CNTNAP5: variants seen among roughly 807,000 people sequenced by gnomAD.
CNTNAP5 encodes contactin associated protein family member 5.
Under a neutral mutation model 150.2 loss-of-function variants are expected in CNTNAP5, and 72 were observed. The ratio of observed to expected loss-of-function variants is 0.48; its 90% CI spans 0.40 to 0.58. The LOEUF (loss-of-function observed/expected upper bound fraction) is 0.58. Ranked by LOEUF, CNTNAP5 falls within the 20% of genes least tolerant of loss-of-function variation. CNTNAP5 has a pLI of 0.00. For missense variants in CNTNAP5, 1,636 were observed against 1,626.2 expected (o/e 1.01, Z -0.10); for synonymous variants, 672 against 619.8 (o/e 1.08, Z -1.25).
At chr2:124,076,665 T>G (rs913843322) in intron 1 of CNTNAP5, among the ~76,000 whole-genome samples, 8 of 152,168 alleles carry the variant, frequency 5.3e-5, no homozygotes, top group Admixed American at 6.5e-5. Context: ...ATTTGTATAT[T>G]TTCAGGAGAG....
rs140657848 is a variant in CNTNAP5 at position 124,127,935 on chromosome 2, C to T, written c.83-93770C>T. On this transcript the variant is annotated intron_variant, in intron 1 of 23. Transcript: ENST00000682447. ...CAAGATGGAGTAAAGACTTAAATGTCAGACCTAAAACCATAAAAACCCTAG... is the reference window on the plus strand; with the variant it reads ...CAAGATGGAGTAAAGACTTAAATGTTAGACCTAAAACCATAAAAACCCTAG... 6.4e-3 allele frequency among the ~76,000 whole-genome samples: 980 copies of T among 152,048 alleles called. 12 individuals are homozygous for T. The highest frequency in any genetic ancestry group is 0.022 in the African/African-American group (924 of 41,496).
intron 11 of CNTNAP5, among the ~76,000 whole-genome samples, chr2:124,604,647 C>T (rs1697060659): frequency 6.6e-6 from 1 of 152,112 alleles, no homozygotes; most frequent in East Asian, 1.9e-4. Flanking sequence ...GGGATGATAG[C>T]ATTAGATTAA....
At position 124,920,407 on chromosome 2, in the gene CNTNAP5, C is replaced by T. The variant is rs1678850155; in HGVS notation, c.*6119C>T. 6.6e-6 allele frequency among the ~76,000 whole-genome samples: 1 copy of T among 152,266 alleles called. No individual in the cohort carries two copies. Among genetic ancestry groups the T allele is most frequent in the Non-Finnish European group, 1.5e-5 (1 of 68,006 alleles). ...CATCAGAGTCAGCCTCTATCACAAA[C>T]ATTTTACATGAAATATTCACCTAGT... On this transcript the variant is annotated 3_prime_UTR_variant, in exon 24 of 24. Transcript: ENST00000682447.
intron 11 of CNTNAP5, among the ~76,000 whole-genome samples, chr2:124,607,066 G>C (rs1677245460): frequency 6.6e-6 from 1 of 152,232 alleles, no homozygotes; most frequent in African/African-American, 2.4e-5. Context: ...TATGAGGGAG[G>C]CTCTTTTTGA....
intron 11 of CNTNAP5, among the ~76,000 whole-genome samples, chr2:124,571,897 G>A (rs931735987): frequency 6.6e-6 from 1 of 151,940 alleles, no homozygotes. Context: ...GCACAATAAG[G>A]GGGAAAAATG....
chr2:124,569,231 T>C (rs1044880770), intron 11 of CNTNAP5, among the ~76,000 whole-genome samples: 4 of 152,190 alleles, frequency 2.6e-5, no homozygotes, highest in African/African-American at 9.6e-5. Context: ...CACTACTTTC[T>C]GAGATCTTGT....
chr2:124,333,202 G>T (rs1434971678), intron 3 of CNTNAP5, among the ~76,000 whole-genome samples: 2 of 152,054 alleles, frequency 1.3e-5, no homozygotes, highest in African/African-American at 2.4e-5. Flanking sequence ...TTGGGAAGTT[G>T]AAGCTATAGT....
chr2:124,835,207 A>G (rs1409063402), intron 19 of CNTNAP5, among the ~76,000 whole-genome samples: 1 of 152,078 alleles, frequency 6.6e-6, no homozygotes, highest in African/African-American at 2.4e-5. Flanking sequence ...AACAAATTGT[A>G]TTAGATTATG....
chr2:124,461,991 A>C (rs1227076159), intron 6 of CNTNAP5, among the ~76,000 whole-genome samples: 1 of 152,084 alleles, frequency 6.6e-6, no homozygotes, highest in Admixed American at 6.5e-5. Flanking sequence ...TAAAAATAAA[A>C]TAAAGAGTTA....
intron 5 of CNTNAP5, among the ~76,000 whole-genome samples, chr2:124,435,174 T>G (rs1184591320): frequency 6.6e-6 from 1 of 152,176 alleles, no homozygotes; most frequent in Non-Finnish European, 1.5e-5. Context: ...TAAGGGAAAC[T>G]CTTTTCTTTA....
intron 1 of CNTNAP5, among the ~76,000 whole-genome samples, chr2:124,059,355 T>C (rs1032310537): frequency 6.0e-4 from 92 of 152,290 alleles, no homozygotes; most frequent in African/African-American, 2.1e-3. Context: ...AAATAAGGTC[T>C]CCCTCTAATC....
intron 3 of CNTNAP5, among the ~76,000 whole-genome samples, chr2:124,303,356 T>G (rs947029348): frequency 1.3e-5 from 2 of 152,144 alleles, no homozygotes; most frequent in Non-Finnish European, 2.9e-5. Context: ...ATGGTGAGTT[T>G]CAAAAATAGA....
intron 1 of CNTNAP5, among the ~76,000 whole-genome samples, chr2:124,199,208 A>ACAG (rs539595435): frequency 8.5e-5 from 13 of 152,268 alleles, no homozygotes; most frequent in Admixed American, 7.2e-4. Flanking sequence ...AAATGAAAGG[A>ACAG]CAGAGGAAAA....
intron 11 of CNTNAP5, among the ~76,000 whole-genome samples, chr2:124,586,599 G>C (rs1696542398): frequency 6.6e-6 from 1 of 152,150 alleles, no homozygotes; most frequent in African/African-American, 2.4e-5. Context: ...TTAGCTTAGA[G>C]ATAGGTTAGA....
chr2:124,067,262 C>T (rs1289589393), intron 1 of CNTNAP5, among the ~76,000 whole-genome samples: 1 of 152,162 alleles, frequency 6.6e-6, no homozygotes, highest in African/African-American at 2.4e-5. Context: ...TCTCATAGTT[C>T]TGGAGAGTCA....
chr2:124,816,560 C>T (rs1246968014), intron 19 of CNTNAP5, among the ~76,000 whole-genome samples: 1 of 150,150 alleles, frequency 6.7e-6, no homozygotes, highest in Non-Finnish European at 1.5e-5. Flanking sequence ...TCACTGCAAC[C>T]TCCATCTCTG....
At chr2:124,319,375 G>T (rs765235523) in intron 3 of CNTNAP5, among the ~76,000 whole-genome samples, 2 of 152,150 alleles carry the variant, frequency 1.3e-5, no homozygotes, top group Non-Finnish European at 2.9e-5. Context: ...CCCTGTTAAA[G>T]GTATCAAAGA....
At chr2:124,389,344 T>C (rs28660585) in intron 3 of CNTNAP5, among the ~76,000 whole-genome samples, 5,877 of 152,294 alleles carry the variant, frequency 0.039, 117 homozygotes, top group East Asian at 0.092. Context: ...TTTTTTTAAA[T>C]GATTGTCAGT....
In CNTNAP5 at chr2:124,374,132, T is replaced by A. The variant is rs72839467; in HGVS notation, c.382-43311T>A. Among the ~76,000 whole-genome samples, 375 of 152,220 alleles carry A rather than the reference T, an allele frequency of 2.5e-3. 4 individuals are homozygous for A. The highest frequency in any genetic ancestry group is 0.01 in the Middle Eastern group (3 of 294). On this transcript the variant is annotated intron_variant, in intron 3 of 23. Coordinates refer to ENST00000682447, the MANE Select transcript of CNTNAP5 (RefSeq NM_001367498.1). ...GGTACTATATTTAAGTAAAAATAAA[T>A]TCTTAGATTTTAAGTACAAATTAAG...
Sources: allele counts gnomAD v4.1 joint callset (sites outside exome capture counted in the v4.1 genomes callset), GRCh38; gene constraint gnomAD v4.1.1; transcripts MANE v1.5; gene names NCBI Gene and HGNC (gene_info 2026-07-23, HGNC 2026-07-21).